The following PTPRB variants were observed in gnomAD, a reference collection of about 807,000 sequenced individuals.
PTPRB encodes the protein protein tyrosine phosphatase receptor type B.
A neutral mutation model predicts 238.1 loss-of-function variants in PTPRB; 97 were observed. The ratio of observed to expected loss-of-function variants is 0.41; its 90% CI spans 0.35 to 0.48. The LOEUF (loss-of-function observed/expected upper bound fraction) is 0.48. PTPRB is among the 20% of genes least tolerant of loss of function. PTPRB has a pLI of 0.30. For missense variants in PTPRB, 2,292 were observed against 2,681.9 expected (o/e 0.85, Z 3.21); for synonymous variants, 970 against 995.4 (o/e 0.97, Z 0.48).
intron 3 of PTPRB, among the ~76,000 whole-genome samples, chr12:70,618,494 T>C (rs529057942): frequency 6.6e-6 from 1 of 152,282 alleles, no homozygotes; most frequent in African/African-American, 2.4e-5. Context: ...TATCCTTAAG[T>C]TAAAGAAGAA....
chr12:70,608,834 C>A (rs1238921550), intron 4 of PTPRB: 3 of 592,796 alleles, frequency 5.1e-6, no homozygotes, highest in Non-Finnish European at 8.6e-6. Flanking sequence ...TGCACCCCAC[C>A]CCGACCCTTT....
intron 31 of PTPRB, among the ~76,000 whole-genome samples, chr12:70,532,926 G>A (rs907081076): frequency 2.0e-5 from 3 of 152,184 alleles, no homozygotes; most frequent in Non-Finnish European, 4.4e-5. Flanking sequence ...ATTAGAGGCA[G>A]GATATACCAC....
intron 28 of PTPRB, among the ~76,000 whole-genome samples, chr12:70,536,538 A>G (rs59210062): frequency 0.049 from 7,497 of 152,256 alleles, 624 homozygotes; most frequent in African/African-American, 0.17. Flanking sequence ...TGGATAATCA[A>G]TGTCAGAATA....
chr12:70,608,984 T>C, intron 4 of PTPRB, 85 bp downstream of exon 4: 1 of 1,476,400 alleles, frequency 6.8e-7, no homozygotes, highest in Non-Finnish European at 9.2e-7. Flanking sequence ...TTTGTATCCC[T>C]GGAACTCAAA....
chr12:70,536,563 A>C (rs990222773), intron 28 of PTPRB, among the ~76,000 whole-genome samples: 1 of 152,224 alleles, frequency 6.6e-6, no homozygotes, highest in African/African-American at 2.4e-5. Context: ...GGTAAGATAT[A>C]TCATCCACAG....
rs1392606574 is a variant in PTPRB, at chr12:70,571,912, A to G, written c.3018T>C (p.Val1006=). ...IPKSENECVF[V]QLVPGRLYSV... Reference sequence around the variant, plus strand: ...TGTACAACCGTCCAGGGACTAGCTGAACAAATACACATTCGTTTTCTGACT... The same window carrying G: ...TGTACAACCGTCCAGGGACTAGCTGGACAAATACACATTCGTTTTCTGACT... Residue 1006 remains valine, a synonymous_variant, in exon 12 of 34, where the codon GTT becomes GTC. Transcript: ENST00000334414. 4.3e-6 allele frequency: 7 copies of G among 1,613,846 alleles called. No individual in the cohort carries two copies. The highest frequency in any genetic ancestry group is 5.9e-6 in the Non-Finnish European group (7 of 1,179,854).
At chr12:70,575,432 C>T (rs1029097176) in intron 11 of PTPRB, among the ~76,000 whole-genome samples, 1 of 152,180 alleles carries the variant, frequency 6.6e-6, no homozygotes, top group Non-Finnish European at 1.5e-5. Context: ...TTCCTATCCC[C>T]AGCAACCTCA....
At chr12:70,564,847 AATAAT>A (rs1565949700) in intron 15 of PTPRB, among the ~76,000 whole-genome samples, 52 of 3,708 alleles carry the variant, frequency 0.014, no homozygotes, top group African/African-American at 0.061. Flanking sequence ...AATAATAAAT[AATAAT>A]AATAATAATA....
chr12:70,519,949 T>C lies in PTPRB; in HGVS notation c.*1540A>G. On this transcript the variant is annotated 3_prime_UTR_variant, in exon 34 of 34. Coordinates refer to ENST00000334414, the MANE Select transcript of PTPRB (RefSeq NM_001109754.4). ...AAAGAACTATTTTAGGTATAGTCAATGATTTTCAATTATTATGTCAATTAC... is the reference window on the plus strand; with the variant it reads ...AAAGAACTATTTTAGGTATAGTCAACGATTTTCAATTATTATGTCAATTAC... The C allele has an allele frequency of 5.2e-6, 1 of 192,750 alleles. No homozygotes were observed. The highest frequency in any genetic ancestry group is 8.4e-5 in the South Asian group (1 of 11,966). The allele number at this position is 192,750 out of a possible 1,614,324, so 11.9% of individuals were successfully genotyped here.
rs35913444 is a variant in PTPRB at position 70,522,863 on chromosome 12, C to CTTTT, written c.6626-1356_6626-1353dup. Among the ~76,000 whole-genome samples, 376 of 118,234 alleles carry CTTTT rather than the reference C, an allele frequency of 3.2e-3. 10 individuals carry two copies. Among genetic ancestry groups the CTTTT allele is most frequent in the African/African-American group, 3.8e-3 (114 of 29,998 alleles). The allele number at this position is 118,234 out of a possible 152,430, so 77.6% of individuals were successfully genotyped here. A position where few individuals can be genotyped will look rare whatever the true frequency, so the allele number is the denominator to read the frequency against. The stretch of plus-strand genomic sequence containing the variant: ...AATAGCATTCTTTTGTTTGTTTTTT[C>CTTTT]TTTTTTTTTTTTTTTTTGAGATGGA... On this transcript the variant is annotated intron_variant, in intron 33 of 33. Transcript: ENST00000334414.
chr12:70,539,534 C>CTCAA, intron 26 of PTPRB, 91 bp downstream of exon 26: 1 of 1,045,312 alleles, frequency 9.6e-7, no homozygotes, highest in Non-Finnish European at 1.4e-6. Context: ...AACTTCTGAG[C>CTCAA]TCAATCAGCC....
chr12:70,540,767 AT>A, intron 23 of PTPRB, 90 bp downstream of exon 23: 1 of 931,066 alleles, frequency 1.1e-6, no homozygotes, highest in Non-Finnish European at 1.6e-6. Context: ...AAATTAAATT[AT>A]TTTCCCTTCT....
At chr12:70,624,647 G>T (rs1885095632) in intron 2 of PTPRB, among the ~76,000 whole-genome samples, 2 of 152,134 alleles carry the variant, frequency 1.3e-5, no homozygotes, top group Admixed American at 6.5e-5. Flanking sequence ...ATGCAGATTA[G>T]CATTTTGGTT....
At chr12:70,614,217 T>G (rs1288287443) in intron 3 of PTPRB, among the ~76,000 whole-genome samples, 4 of 152,158 alleles carry the variant, frequency 2.6e-5, no homozygotes, top group Non-Finnish European at 5.9e-5. Flanking sequence ...TAATAGGCCT[T>G]CCAGTACTAG....
At chr12:70,634,797 T>C (rs1885608636) in intron 2 of PTPRB, among the ~76,000 whole-genome samples, 1 of 152,244 alleles carries the variant, frequency 6.6e-6, no homozygotes. Flanking sequence ...GTCTTCTTAG[T>C]GAGGCGCTTC....
rs369687717 is a variant in PTPRB at position 70,539,604 on chromosome 12, T to C, written c.5778+21A>G. On this transcript the variant is annotated intron_variant, in intron 26 of 33. Coordinates refer to ENST00000334414, the MANE Select transcript of PTPRB (RefSeq NM_001109754.4). ...TGCTAAGAACTAGGGATGCTGAAGC[T>C]TCATTCTGCCTGAGTTGTACCTCGT... The C allele has an allele frequency of 1.9e-5, 28 of 1,490,808 alleles. No homozygotes were observed. The African/African-American group carries it at 3.3e-4, about 18-fold the overall frequency. The allele number at this position is 1,490,808 out of a possible 1,614,324, so 92.3% of individuals were successfully genotyped here.
rs376189811 is a variant in PTPRB at position 70,596,986 on chromosome 12, C to T, written c.980-659G>A. ...AGGCTGGAGTGCAGTGGCGTGATCT[C>T]GGCTCACTGCAACCTCCGCCTCCCG... On this transcript the variant is annotated intron_variant, in intron 4 of 33. Transcript: ENST00000334414. Among the ~76,000 whole-genome samples, 22 of 151,442 alleles carry T rather than the reference C, an allele frequency of 1.5e-4. No homozygotes were observed. The East Asian group carries it at 3.1e-3, about 22-fold the overall frequency.
Position 70,622,395 on chromosome 12 carries a change from C to T in PTPRB, c.703G>A (p.Glu235Lys). 1 of 1,611,756 alleles carries T rather than the reference C, an allele frequency of 6.2e-7. No individual in the cohort carries two copies. The highest frequency in any genetic ancestry group is 8.5e-7 in the Non-Finnish European group (1 of 1,179,510). Residue 235 changes from glutamate to lysine, a missense_variant, in exon 3 of 34, where the codon GAA becomes AAA. By Grantham distance (56) the Glu-to-Lys change is moderately conservative. This residue lies in a region of PTPRB where 1,205 missense variants were observed against 1,287.8 expected (regional missense o/e 0.94). Coordinates refer to ENST00000334414, the MANE Select transcript of PTPRB (RefSeq NM_001109754.4). The stretch of plus-strand genomic sequence containing the variant: ...CACACACCCCCTCCTTTTACCTCTT[C>T]AGTGGTGCTGGAGAAGGGCTGAGTA... ...STTQPFSSTT[E>K]ETGLAEPERC...
At chr12:70,581,468 C>A (rs760156830) in intron 9 of PTPRB, among the ~76,000 whole-genome samples, 166 bp from the exon 10 acceptor site, 6 of 152,132 alleles carry the variant, frequency 3.9e-5, no homozygotes, top group Non-Finnish European at 8.8e-5. Flanking sequence ...GAGAACTACT[C>A]CTCTAGAGAG....
Sources: allele counts gnomAD v4.1 joint callset (sites outside exome capture counted in the v4.1 genomes callset), GRCh38; gene constraint gnomAD v4.1.1; regional missense constraint gnomAD v4.1.1; transcripts MANE v1.5; gene names NCBI Gene and HGNC (gene_info 2026-07-23, HGNC 2026-07-21).